The following FMO5 variants were observed in gnomAD, a reference collection of about 807,000 sequenced individuals.
FMO5 encodes flavin-containing monooxygenase 5.
FMO5 carries 51 observed loss-of-function variants against 43.6 expected under a neutral mutation model. That is an observed-to-expected ratio of 1.17 (90% CI 0.93 to 1.48). The LOEUF (loss-of-function observed/expected upper bound fraction) is 1.48. Ranked by LOEUF, FMO5 falls within the 40% of genes most tolerant of loss-of-function variation. FMO5 has a pLI of 0.00. For synonymous variants in FMO5, 187 were observed against 216.5 expected (o/e 0.86, Z 1.20); for missense variants, 644 against 643.0 (o/e 1.00, Z -0.02).
At chr1:147,215,493 C>A in intron 3 of FMO5, 1 of 414,530 alleles carries the variant, frequency 2.4e-6, no homozygotes, top group Non-Finnish European at 4.3e-6. Context: ...TTATTGCAAT[C>A]AAATAATGTG....
At chr1:147,203,403 C>A in intron 6 of FMO5, 1 of 938,910 alleles carries the variant, frequency 1.1e-6, no homozygotes, top group Non-Finnish European at 1.8e-6. Flanking sequence ...GTTTGATAGA[C>A]CAGTGTTTTC....
intron 8 of FMO5, among the ~76,000 whole-genome samples, chr1:147,187,510 G>A (rs1422797214): frequency 1.3e-5 from 2 of 152,144 alleles, no homozygotes; most frequent in African/African-American, 4.8e-5. Flanking sequence ...AAAGAGAGCT[G>A]TAATCGTTAG....
intron 8 of FMO5, among the ~76,000 whole-genome samples, chr1:147,189,271 TA>T (rs5777626): frequency 0.38 from 54,760 of 142,516 alleles, 10,397 homozygotes; most frequent in African/African-American, 0.51. Flanking sequence ...AGACTCCGTC[TA>T]AAAAAAAAAA....
At chr1:147,206,441 A>C (rs1471599169) in intron 6 of FMO5, among the ~76,000 whole-genome samples, 4 of 152,284 alleles carry the variant, frequency 2.6e-5, no homozygotes, top group Admixed American at 6.5e-5. Context: ...ATAAATCATG[A>C]TGCTATAAAG....
chr1:147,191,704 G>GA (rs1281665336), intron 7 of FMO5, among the ~76,000 whole-genome samples: 1 of 151,474 alleles, frequency 6.6e-6, no homozygotes, highest in Non-Finnish European at 1.5e-5. Context: ...GTAAGGAAGG[G>GA]ATCCAGTTTC....
rs587633527 is a variant in FMO5, at chr1:147,187,630, C to G, written c.1257-385G>C. The stretch of plus-strand genomic sequence containing the variant: ...AGAGAAAACCCATCACAAAAATTCT[C>G]AAGTATGGCATCCTCTATTATTTGA... On this transcript the variant is annotated intron_variant, in intron 8 of 8. Transcript: ENST00000254090. 3.6e-4 allele frequency among the ~76,000 whole-genome samples: 55 copies of G among 152,304 alleles called. 1 individual carries two copies. In the South Asian group the frequency reaches 7.2e-3, roughly 20 times the overall value.
At chr1:147,194,855 T>C (rs1657664877) in intron 7 of FMO5, among the ~76,000 whole-genome samples, 1 of 152,114 alleles carries the variant, frequency 6.6e-6, no homozygotes, top group Non-Finnish European at 1.5e-5. Context: ...TTCTGGCTTG[T>C]AGAGTTACTG....
chr1:147,197,594 C>T (rs587696580), intron 7 of FMO5, among the ~76,000 whole-genome samples: 10 of 152,144 alleles, frequency 6.6e-5, no homozygotes, highest in South Asian at 2.1e-4. Context: ...TGGTTTTATA[C>T]GGGGCTTTCC....
intron 7 of FMO5, among the ~76,000 whole-genome samples, chr1:147,191,601 T>C (rs1247029060): frequency 1.3e-5 from 2 of 151,858 alleles, no homozygotes; most frequent in Non-Finnish European, 2.9e-5. Context: ...GTCAGATGAG[T>C]AGGTTGTGAA....
rs782325426 is a variant in FMO5 at position 147,215,922 on chromosome 1, C to T, written c.156G>A (p.Arg52=). Residue 52 remains arginine, a synonymous_variant, in exon 3 of 9, where the codon AGG becomes AGA. Coordinates refer to ENST00000254090, the MANE Select transcript of FMO5 (RefSeq NM_001461.4). ...WRFQENPEEG[R]ASIYKSVIIN... ...TGATCACTGATTTGTAAATACTGGC[C>T]CTTCCTTCTTCAGGATTTTCCTGCA... is the stretch of plus-strand genomic sequence containing the variant. The T allele has an allele frequency of 1.9e-6, 3 of 1,606,066 alleles. No individual in the cohort carries two copies. In the East Asian group the frequency reaches 6.7e-5, roughly 36 times the overall value.
intron 7 of FMO5, among the ~76,000 whole-genome samples, chr1:147,199,679 T>C (rs1658647941): frequency 6.6e-6 from 1 of 152,222 alleles, no homozygotes; most frequent in African/African-American, 2.4e-5. Context: ...ATCACTTTAA[T>C]ATGACTAGAA....
intron 4 of FMO5, 50 bp from the exon 5 acceptor site, chr1:147,212,585 A>G (rs782244207): frequency 1.5e-5 from 23 of 1,533,938 alleles, no homozygotes; most frequent in Admixed American, 1.9e-5. Flanking sequence ...CATGATAGAT[A>G]TCATTTGTCA....
chr1:147,207,164 T>A (rs1034760274), intron 6 of FMO5, among the ~76,000 whole-genome samples: 9 of 152,286 alleles, frequency 5.9e-5, no homozygotes, highest in Non-Finnish European at 1.3e-4. Context: ...CTTTTTCTTA[T>A]ACAATATACA....
intron 2 of FMO5, among the ~76,000 whole-genome samples, chr1:147,218,090 A>AAAAT (rs1662325720): frequency 6.6e-6 from 1 of 152,246 alleles, no homozygotes; most frequent in Admixed American, 6.5e-5. Flanking sequence ...TGTATCTCCC[A>AAAAT]AAATTTTGTC....
chr1:147,219,109 G>A (rs1662542895), intron 2 of FMO5, among the ~76,000 whole-genome samples: 1 of 152,106 alleles, frequency 6.6e-6, no homozygotes, highest in African/African-American at 2.4e-5. Context: ...AATGAATTAT[G>A]GAAATTGAAT....
intron 7 of FMO5, among the ~76,000 whole-genome samples, chr1:147,193,613 G>C (rs1559639347): frequency 6.6e-6 from 1 of 151,930 alleles, no homozygotes. Context: ...TGTCAATTTT[G>C]GATCTTTCCT....
At chr1:147,192,930 A>AT in intron 7 of FMO5, among the ~76,000 whole-genome samples, 1 of 152,094 alleles carries the variant, frequency 6.6e-6, no homozygotes, top group East Asian at 1.9e-4. Context: ...TTTATTGAGG[A>AT]TTTTTGCATC....
At chr1:147,208,230 C>G (rs1056308756) in intron 6 of FMO5, among the ~76,000 whole-genome samples, 1 of 152,070 alleles carries the variant, frequency 6.6e-6, no homozygotes, top group African/African-American at 2.4e-5. Context: ...AACAGGTACT[C>G]AATGAGTAAA....
chr1:147,210,394 T>C (rs1553923533), intron 5 of FMO5: 1 of 152,240 alleles, frequency 6.6e-6, no homozygotes. Flanking sequence ...TATGAAACTC[T>C]CTGGAGATGG....
Sources: gnomAD v4.1 joint callset for allele counts (sites outside exome capture counted in the v4.1 genomes callset) on GRCh38, gnomAD v4.1.1 for gene constraint, MANE v1.5 for transcripts, NCBI Gene and HGNC (gene_info 2026-07-23, HGNC 2026-07-21) for gene names.